Variants in ZNF780B observed in about 807,000 individuals in gnomAD.
ZNF780B encodes the protein zinc finger protein 779.
ZNF780B carries 52 observed loss-of-function variants against 74.1 expected under a neutral mutation model. That is an observed-to-expected ratio of 0.70 (90% CI 0.56 to 0.88). The LOEUF (loss-of-function observed/expected upper bound fraction) is 0.88. ZNF780B is among the 40% of genes least tolerant of loss of function. ZNF780B has a pLI of 0.00. For missense variants in ZNF780B, 953 were observed against 1,007.6 expected (o/e 0.95, Z 0.73); for synonymous variants, 315 against 324.3 (o/e 0.97, Z 0.31).
Position 40,034,069 on chromosome 19 carries a change from C to T in ZNF780B, c.*288G>A. On this transcript the variant is annotated 3_prime_UTR_variant, in exon 5 of 5. Coordinates refer to ENST00000434248, the MANE Select transcript of ZNF780B (RefSeq NM_001005851.3). ...ATGTACAGTAAGATCATAATTACTG[C>T]TAAAGGCCTTTTCACATTCCTTACA... 1 of 471,624 alleles carries T rather than the reference C, an allele frequency of 2.1e-6. No homozygotes were observed. 29.2% of individuals were successfully genotyped at this position (471,624 alleles called of 1,614,324 possible).
At position 40,046,784 on chromosome 19, in the gene ZNF780B, G is replaced by A. The variant is rs150757076; in HGVS notation, c.232+591C>T. Among the ~76,000 whole-genome samples, 777 of 152,318 alleles carry A rather than the reference G, an allele frequency of 5.1e-3. 3 individuals carry two copies. The highest frequency in any genetic ancestry group is 8.8e-3 in the Non-Finnish European group (596 of 68,034). On this transcript the variant is annotated intron_variant, in intron 4 of 4. Coordinates refer to ENST00000434248, the MANE Select transcript of ZNF780B (RefSeq NM_001005851.3). ...ACTTTCTCAGTCTTGTTCATTACCT[G>A]TACATTACAGTATTGACCAGAGCCA...
At chr19:40,048,821 T>C in intron 2 of ZNF780B, 25 bp from the exon 3 acceptor site, 4 of 1,612,040 alleles carry the variant, frequency 2.5e-6, no homozygotes, top group Non-Finnish European at 3.4e-6. Flanking sequence ...ACATGGATTA[T>C]GGTGAAATTG....
intron 3 of ZNF780B, 28 bp downstream of exon 3, chr19:40,048,642 C>G: frequency 6.2e-7 from 1 of 1,614,064 alleles, no homozygotes; most frequent in Non-Finnish European, 8.5e-7. Context: ...AGAACAGATA[C>G]AAAAATAACT....
intron 4 of ZNF780B, among the ~76,000 whole-genome samples, chr19:40,040,904 A>G (rs1294546128): frequency 6.6e-6 from 1 of 151,764 alleles, no homozygotes; most frequent in African/African-American, 2.4e-5. Context: ...TTGTGTCTCT[A>G]TTTCCTTCAG....
intron 4 of ZNF780B, among the ~76,000 whole-genome samples, chr19:40,040,531 A>C (rs577388362): frequency 2.6e-5 from 4 of 152,142 alleles, no homozygotes; most frequent in Non-Finnish European, 5.9e-5. Flanking sequence ...CTGTGAATCC[A>C]TCTGGTCCTG....
In ZNF780B at chr19:40,036,198, A is replaced by G. The variant is rs1257018141; in HGVS notation, c.661T>C (p.Phe221Leu). The G allele has an allele frequency of 1.2e-6, 2 of 1,613,118 alleles. No individual in the cohort carries two copies. The highest frequency in any genetic ancestry group is 1.7e-5 in the Admixed American group (1 of 59,806). ...GCTTTTCCACATTCCTTACATTCAA[A>G]AGTTTTCTCACCAGTATGAAATTTC... ...HQKFHTGEKT[F>L]ECKECGKAFN... The change falls in exon 5 of 5, where the codon TTT becomes CTT. Residue 221 changes from phenylalanine to leucine, a missense_variant. Coordinates refer to ENST00000434248, the MANE Select transcript of ZNF780B (RefSeq NM_001005851.3).
intron 4 of ZNF780B, among the ~76,000 whole-genome samples, chr19:40,037,019 T>C (rs1408443285): frequency 6.6e-6 from 1 of 151,762 alleles, no homozygotes; most frequent in Admixed American, 6.6e-5. Context: ...AGTGATTCTC[T>C]GGCCTCAGCC....
Position 40,034,969 on chromosome 19 carries a change from GTGA to G in ZNF780B, c.1887_1889del (p.His631del), listed in dbSNP as rs1353150625. ...TCTCACCTGTGTGAATGTTCTTATG[GTGA>G]TTAAGCTGGGTGTGAAGACTGAAGG... On this transcript the variant is annotated inframe_deletion, in exon 5 of 5. Coordinates refer to ENST00000434248, the MANE Select transcript of ZNF780B (RefSeq NM_001005851.3). 13 of 1,611,290 alleles carry G rather than the reference GTGA, an allele frequency of 8.1e-6. No individual in the cohort carries two copies. The African/African-American group carries it at 1.2e-4, about 15-fold the overall frequency.
rs775150339 is a variant in ZNF780B, at chr19:40,034,312, AATG to A, written c.*42_*44del. On this transcript the variant is annotated 3_prime_UTR_variant, in exon 5 of 5. Transcript: ENST00000434248. ...AATCTATAATGTCCATGAAATTGGT[AATG>A]ATATTGAAAGGCCTTCCCACATTCC... 76 of 1,439,818 alleles carry A rather than the reference AATG, an allele frequency of 5.3e-5. 1 individual carries two copies. The Admixed American group carries it at 1.5e-3, about 28-fold the overall frequency. The allele number at this position is 1,439,818 out of a possible 1,614,324, so 89.2% of individuals were successfully genotyped here.
In ZNF780B at chr19:40,028,769, C is replaced by T. The variant is rs933109581; in HGVS notation, c.*5588G>A. 2 of 152,212 alleles carry T rather than the reference C, an allele frequency of 1.3e-5. No homozygotes were observed. Among genetic ancestry groups the T allele is most frequent in the Non-Finnish European group, 2.9e-5 (2 of 68,036 alleles). The allele number at this position is 152,212 out of a possible 1,614,324, so 9.4% of individuals were successfully genotyped here. ...TTCTGGCATCAGAATGGAATGAGCA[C>T]TCAGACTTATACAGAACTTGGAAGA... On this transcript the variant is annotated 3_prime_UTR_variant, in exon 5 of 5. Coordinates refer to ENST00000434248, the MANE Select transcript of ZNF780B (RefSeq NM_001005851.3).
At chr19:40,050,052 C>G (rs1029178756) in intron 2 of ZNF780B, among the ~76,000 whole-genome samples, 5 of 151,826 alleles carry the variant, frequency 3.3e-5, no homozygotes, top group African/African-American at 4.8e-5. Context: ...AAAAAATTAG[C>G]CAGGCGTGCT....
intron 4 of ZNF780B, among the ~76,000 whole-genome samples, chr19:40,039,221 T>A (rs1216609212): frequency 6.6e-6 from 1 of 152,228 alleles, no homozygotes; most frequent in East Asian, 1.9e-4. Flanking sequence ...CAGATAGTTG[T>A]AGATAGGCAG....
rs746182044 is a variant in ZNF780B at position 40,035,305 on chromosome 19, T to C, written c.1554A>G (p.Gln518=). The change falls in exon 5 of 5, where the codon CAA becomes CAG. Residue 518 remains glutamine, a synonymous_variant. Coordinates refer to ENST00000434248, the MANE Select transcript of ZNF780B (RefSeq NM_001005851.3). ...TCTCACCAGTGTGAATACTCTGATG[T>C]TGAACAAGGTTCGAGCCACGATTGA... ...KAFNRGSNLV[Q]HQSIHTGEKP... 15 of 1,614,024 alleles carry C rather than the reference T, an allele frequency of 9.3e-6. No individual in the cohort carries two copies. Among genetic ancestry groups the C allele is most frequent in the Admixed American group, 1.7e-5 (1 of 60,006 alleles).
chr19:40,049,234 A>T (rs975476130), intron 2 of ZNF780B, among the ~76,000 whole-genome samples: 2 of 74,804 alleles, frequency 2.7e-5, no homozygotes, highest in African/African-American at 3.9e-4. Context: ...ACCCTATCTC[A>T]AAAAAAAAAA....
rs1449913483 is a variant in ZNF780B at position 40,032,108 on chromosome 19, A to C, written c.*2249T>G. 2 of 446,722 alleles carry C rather than the reference A, an allele frequency of 4.5e-6. No individual in the cohort carries two copies. The highest frequency in any genetic ancestry group is 2.0e-5 in the African/African-American group (1 of 49,258). 27.7% of individuals were successfully genotyped at this position (446,722 alleles called of 1,614,324 possible). A position where few individuals can be genotyped will look rare whatever the true frequency, so the allele number is the denominator to read the frequency against. ...GGCTAAATGACACTATAAAGAAAGA[A>C]ATCTAAACACATAGCCAACAACATT... On this transcript the variant is annotated 3_prime_UTR_variant, in exon 5 of 5. Transcript: ENST00000434248.
chr19:40,050,089 C>T (rs1357826727), intron 2 of ZNF780B, among the ~76,000 whole-genome samples: 6 of 147,626 alleles, frequency 4.1e-5, no homozygotes, highest in African/African-American at 5.0e-5. Flanking sequence ...CCCAGCTACT[C>T]GGGAGTCTGA....
In ZNF780B at chr19:40,035,153, C is replaced by T. The variant is rs889962911; in HGVS notation, c.1706G>A (p.Gly569Asp). 1.2e-6 allele frequency: 2 copies of T among 1,613,176 alleles called. No individual in the cohort carries two copies. Among genetic ancestry groups the T allele is most frequent in the African/African-American group, 1.3e-5 (1 of 74,838 alleles). ...ACTTCGATGTTGATTAAGATTTGAA[C>T]CACGACGAAAGAATTTCCCACATTC... ...CKECGKFFRR[G>D]SNLNQHRSIH... Residue 569 changes from glycine to aspartate, a missense_variant, in exon 5 of 5, where the codon GGT becomes GAT. By Grantham distance (94) the Gly-to-Asp change is moderately conservative. Coordinates refer to ENST00000434248, the MANE Select transcript of ZNF780B (RefSeq NM_001005851.3).
rs745891308 is a variant in ZNF780B at position 40,035,818 on chromosome 19, C to A, written c.1041G>T (p.Lys347Asn). 8 of 1,613,926 alleles carry A rather than the reference C, an allele frequency of 5.0e-6. No homozygotes were observed. The highest frequency in any genetic ancestry group is 1.7e-5 in the Admixed American group (1 of 59,960). The change falls in exon 5 of 5, where the codon AAG (lysine) becomes AAT (asparagine). Residue 347 changes from lysine to asparagine, a missense_variant. Lys to Asn is a moderately conservative substitution (Grantham distance 94). Transcript: ENST00000434248. ...ECRKAFTLLT[K>N]LVRHQKIHMG... ...TATGAATCTTCTGATGTCGAACAAG[C>A]TTTGTCAGAAGAGTAAAGGCCTTTC...
chr19:40,035,983 A>G lies in ZNF780B; in HGVS notation c.876T>C (p.Leu292=), dbSNP rs758460066. 6 of 1,614,062 alleles carry G rather than the reference A, an allele frequency of 3.7e-6. No homozygotes were observed. In the Admixed American group the frequency reaches 1.0e-4, roughly 27 times the overall value. The part of the protein sequence containing the change: ...CGKAFNRGSN[L]IQHQKIHSNE... ...TGGAATGAATTTTTTGATGCTGAAT[A>G]AGATTTGAACCACGATTAAAGGCTT... is the stretch of plus-strand genomic sequence containing the variant. Residue 292 remains leucine (L), a synonymous_variant, in exon 5 of 5, where the codon CTT becomes CTC. Coordinates refer to ENST00000434248, the MANE Select transcript of ZNF780B (RefSeq NM_001005851.3).
Sources: allele counts gnomAD v4.1 joint callset (sites outside exome capture counted in the v4.1 genomes callset), GRCh38; gene constraint gnomAD v4.1.1; transcripts MANE v1.5; gene names NCBI Gene and HGNC (gene_info 2026-07-23, HGNC 2026-07-21).